Variants in TBC1D4 observed in about 807,000 individuals in gnomAD.
The protein encoded by TBC1D4 is TBC1 domain family member 4.
Under a neutral mutation model 142.5 loss-of-function variants are expected in TBC1D4, and 121 were observed. The observed-to-expected ratio is 0.85, with a 90% CI of 0.73 to 0.99. The LOEUF is 0.99. Among genes scored for constraint, TBC1D4 ranks in the 50% least tolerant of loss-of-function variants. TBC1D4 has a pLI of 0.00. For missense variants in TBC1D4, 1,475 were observed against 1,606.6 expected, an observed-to-expected ratio of 0.92 and a Z score of 1.40; for synonymous variants, 630 against 628.2, an observed-to-expected ratio of 1.00 and a Z score of -0.04.
chr13:75,370,883 G>A (rs972418120), intron 1 of TBC1D4, among the ~76,000 whole-genome samples: 1 of 152,124 alleles, frequency 6.6e-6, no homozygotes, highest in African/African-American at 2.4e-5. Context: ...AAGACAGAGA[G>A]AGAAAGACAG....
At chr13:75,439,611 T>C (rs1428983658) in intron 1 of TBC1D4, among the ~76,000 whole-genome samples, 1 of 152,218 alleles carries the variant, frequency 6.6e-6, no homozygotes, top group African/African-American at 2.4e-5. Context: ...AGTTTTGCTG[T>C]ACCCAATGTT....
Position 75,323,178 on chromosome 13 carries a change from T to C in TBC1D4, c.2198+1059A>G, listed in dbSNP as rs188569961. On this transcript the variant is annotated intron_variant, in intron 11 of 20. Transcript: ENST00000377636. ...TAGGCCAAAAGAATATCTAAGAAGA[T>C]GTTAATGGCACACAGGCTAGTGGAT... is the stretch of plus-strand genomic sequence containing the variant. 1.2e-3 allele frequency among the ~76,000 whole-genome samples: 189 copies of C among 152,274 alleles called. 1 individual carries two copies. The highest frequency in any genetic ancestry group is 1.7e-3 in the East Asian group (9 of 5,190).
At chr13:75,423,203 T>C (rs1210003805) in intron 1 of TBC1D4, among the ~76,000 whole-genome samples, 1 of 152,192 alleles carries the variant, frequency 6.6e-6, no homozygotes, top group African/African-American at 2.4e-5. Flanking sequence ...AGTTTTCATA[T>C]ATCTGCATTA....
At chr13:75,474,269 A>G (rs1888536780) in intron 1 of TBC1D4, among the ~76,000 whole-genome samples, 1 of 152,234 alleles carries the variant, frequency 6.6e-6, no homozygotes, top group African/African-American at 2.4e-5. Context: ...TGTAGCAGGT[A>G]AGAAAACTGG....
chr13:75,481,037 C>T (rs1459967052), intron 1 of TBC1D4, among the ~76,000 whole-genome samples: 1 of 152,248 alleles, frequency 6.6e-6, no homozygotes, highest in Non-Finnish European at 1.5e-5. Flanking sequence ...CCCTCCGGGT[C>T]CCTGCTGTAG....
chr13:75,373,864 C>T (rs1409102486), intron 1 of TBC1D4, among the ~76,000 whole-genome samples: 2 of 152,126 alleles, frequency 1.3e-5, no homozygotes, highest in East Asian at 1.9e-4. Flanking sequence ...CCTTCCCTCC[C>T]CTTCTCTTGC....
rs1882571590 is a variant in TBC1D4 at position 75,362,097 on chromosome 13, G to A, written c.1009C>T (p.Arg337Trp). 4 of 1,613,936 alleles carry A rather than the reference G, an allele frequency of 2.5e-6. No homozygotes were observed. The highest frequency in any genetic ancestry group is 2.2e-5 in the East Asian group (1 of 44,862). The stretch of plus-strand genomic sequence containing the variant: ...TGACTGGGTGCGCTCGCGTGTCTCC[G>A]TCGCGGCTGGGATTTCTGGCTGCCC... ...HEGSQKSQPR[R>W]RHASAPSHVQ... Residue 337 changes from arginine (R) to tryptophan (W), a missense_variant, in exon 2 of 21, where the codon CGG becomes TGG. Coordinates refer to ENST00000377636, the MANE Select transcript of TBC1D4 (RefSeq NM_014832.5). The surrounding 1 kb of genome is among the most constrained non-coding windows in gnomAD (Gnocchi z 4.2).
intron 1 of TBC1D4, among the ~76,000 whole-genome samples, chr13:75,465,671 T>C (rs1888136438): frequency 6.6e-6 from 1 of 152,070 alleles, no homozygotes; most frequent in Non-Finnish European, 1.5e-5. Flanking sequence ...ATTCATGCCA[T>C]GATTGGGTTG....
In TBC1D4 at chr13:75,481,846, A is replaced by G; in HGVS notation, c.-79T>C. On this transcript the variant is annotated 5_prime_UTR_variant, in exon 1 of 21. Transcript: ENST00000377636. ...CACTCCCGCGCAGAAGGCGCCGCCG[A>G]AACTGTGCCAACTGCCGCACCGGGC... is the stretch of plus-strand genomic sequence containing the variant. 7.1e-7 allele frequency: 1 copy of G among 1,402,066 alleles called. No homozygotes were observed. Among genetic ancestry groups the G allele is most frequent in the East Asian group, 2.8e-5 (1 of 35,272 alleles). The allele number at this position is 1,402,066 out of a possible 1,614,324, so 86.9% of individuals were successfully genotyped here. A position where few individuals can be genotyped will look rare whatever the true frequency, so the allele number is the denominator to read the frequency against.
intron 1 of TBC1D4, among the ~76,000 whole-genome samples, chr13:75,410,958 AAAAAAAAATTCTAAGTGCAGACAT>A (rs1157966520): frequency 6.6e-6 from 1 of 150,992 alleles, no homozygotes; most frequent in Non-Finnish European, 1.5e-5. Flanking sequence ...AAAAAAAAAA[AAAAAAAAATTCTAAGTGCAGACAT>A]AAAATATTTT....
chr13:75,409,945 C>T (rs59522855), intron 1 of TBC1D4, among the ~76,000 whole-genome samples: 5,169 of 152,278 alleles, frequency 0.034, 298 homozygotes, highest in African/African-American at 0.12. Flanking sequence ...TTCTGACCCA[C>T]TTGACAGATG....
Position 75,481,812 on chromosome 13 carries a change from C to G in TBC1D4, c.-45G>C. Reference sequence around the variant, plus strand: ...CACCGCGGAGGCCGGCCGGGCGCACCGCGCCCCCCACTCCCGCGCAGAAGG... The same window carrying G: ...CACCGCGGAGGCCGGCCGGGCGCACGGCGCCCCCCACTCCCGCGCAGAAGG... On this transcript the variant is annotated 5_prime_UTR_variant, in exon 1 of 21. Transcript: ENST00000377636. 2.8e-6 allele frequency: 4 copies of G among 1,453,086 alleles called. No individual in the cohort carries two copies. Among genetic ancestry groups the G allele is most frequent in the Non-Finnish European group, 9.0e-7 (1 of 1,112,328 alleles). The allele number at this position is 1,453,086 out of a possible 1,614,324, so 90.0% of individuals were successfully genotyped here. A position where few individuals can be genotyped will look rare whatever the true frequency, so the allele number is the denominator to read the frequency against.
intron 1 of TBC1D4, among the ~76,000 whole-genome samples, chr13:75,397,786 C>T (rs534133675): frequency 7.4e-4 from 112 of 152,284 alleles, no homozygotes; most frequent in African/African-American, 2.6e-3. Context: ...GAATTACCCT[C>T]GTATAGTAGA....
intron 10 of TBC1D4, among the ~76,000 whole-genome samples, chr13:75,325,120 A>T (rs1323733069): frequency 1.3e-5 from 2 of 152,044 alleles, no homozygotes; most frequent in East Asian, 3.9e-4. Context: ...ATTGAAAATA[A>T]TTTTTCCTGG....
intron 1 of TBC1D4, among the ~76,000 whole-genome samples, chr13:75,474,548 G>C (rs1888554931): frequency 6.6e-6 from 1 of 152,066 alleles, no homozygotes; most frequent in African/African-American, 2.4e-5. Context: ...GACAGAGTCA[G>C]ACTCCGTCTC....
intron 8 of TBC1D4, among the ~76,000 whole-genome samples, chr13:75,336,609 C>G (rs940765148): frequency 2.6e-5 from 4 of 151,300 alleles, no homozygotes; most frequent in African/African-American, 9.7e-5. Flanking sequence ...ACTCAAGAGT[C>G]TGAGGCGGGA....
At chr13:75,318,623 T>C (rs1008721111) in intron 12 of TBC1D4, among the ~76,000 whole-genome samples, 1 of 152,230 alleles carries the variant, frequency 6.6e-6, no homozygotes, top group African/African-American at 2.4e-5. Flanking sequence ...TAACAGTTTA[T>C]ATAGGTTCTG....
At chr13:75,287,878 G>T (rs1287771474) in intron 20 of TBC1D4, among the ~76,000 whole-genome samples, 1 of 152,018 alleles carries the variant, frequency 6.6e-6, no homozygotes, top group African/African-American at 2.4e-5. Context: ...AAATGGAGAG[G>T]AGGAGTAAGT....
At chr13:75,377,482 T>C (rs543325298) in intron 1 of TBC1D4, among the ~76,000 whole-genome samples, 1 of 152,186 alleles carries the variant, frequency 6.6e-6, no homozygotes, top group African/African-American at 2.4e-5. Context: ...TGAAAGTCAA[T>C]GGGAACAAAA....
Sources: gnomAD v4.1 joint callset for allele counts (sites outside exome capture counted in the v4.1 genomes callset) on GRCh38, gnomAD v4.1.1 for gene constraint, Gnocchi (gnomAD v3.1) non-coding constraint, MANE v1.5 for transcripts, NCBI Gene and HGNC (gene_info 2026-07-23, HGNC 2026-07-21) for gene names.